Variants in VEPH1 observed in about 807,000 individuals in gnomAD.
VEPH1 encodes the protein ventricular zone-expressed PH domain-containing protein homolog 1.
Under a neutral mutation model 85.2 loss-of-function variants are expected in VEPH1, and 80 were observed. The observed-to-expected ratio is 0.94, with a 90% CI of 0.78 to 1.13. The LOEUF (loss-of-function observed/expected upper bound fraction) is 1.13. VEPH1 is among the 50% of genes most tolerant of loss of function. The pLI, the probability that VEPH1 is intolerant of heterozygous loss-of-function variation, is 0.00. For synonymous variants in VEPH1, 297 were observed against 348.0 expected, an observed-to-expected ratio of 0.85 and a Z score of 1.63; for missense variants, 955 against 980.5, an observed-to-expected ratio of 0.97 and a Z score of 0.35.
chr3:157,484,419 AC>A (rs1052423597), intron 2 of VEPH1, among the ~76,000 whole-genome samples: 30 of 152,128 alleles, frequency 2.0e-4, no homozygotes, highest in African/African-American at 7.0e-4. Flanking sequence ...CTCTTGCCTC[AC>A]CATGCTGAGT....
chr3:157,448,682 A>G (rs1295386505), intron 4 of VEPH1, among the ~76,000 whole-genome samples: 1 of 152,210 alleles, frequency 6.6e-6, no homozygotes, highest in Non-Finnish European at 1.5e-5. Context: ...AAGTTTGGAG[A>G]CTTATTCGGG....
Position 157,363,759 on chromosome 3 carries a change from G to T in VEPH1, c.1340C>A (p.Ser447Ter). The part of the protein sequence containing the change: ...EERKNIRFNR[S>*]KSLAFHTMLT... ...CATAGTGTGGAAAGCCAAACTTTTT[G>T]ACCTAGAGTTCAAACAAAGGGAAAG... is the stretch of plus-strand genomic sequence containing the variant. Residue 447 changes from serine to a stop codon, truncating the protein, a stop_gained and splice_region_variant, in exon 9 of 14, where the codon TCA becomes TAA. Coordinates refer to ENST00000362010, the MANE Select transcript of VEPH1 (RefSeq NM_001167912.2). LOFTEE classifies it high-confidence loss of function. The T allele has an allele frequency of 6.2e-7, 1 of 1,609,026 alleles. No individual in the cohort carries two copies. The highest frequency in any genetic ancestry group is 1.3e-5 in the African/African-American group (1 of 74,840).
chr3:157,391,208 G>T (rs1187803829), intron 6 of VEPH1, among the ~76,000 whole-genome samples: 1 of 152,212 alleles, frequency 6.6e-6, no homozygotes, highest in Non-Finnish European at 1.5e-5. Flanking sequence ...CAGCCCAATG[G>T]TCACAAGGAA....
chr3:157,452,826 T>C (rs886815682), intron 4 of VEPH1, among the ~76,000 whole-genome samples: 1 of 152,220 alleles, frequency 6.6e-6, no homozygotes, highest in Non-Finnish European at 1.5e-5. Context: ...CAAAATGATA[T>C]AGTGGACATT....
chr3:157,296,423 G>A (rs750846402), intron 11 of VEPH1, among the ~76,000 whole-genome samples: 1 of 152,228 alleles, frequency 6.6e-6, no homozygotes, highest in Non-Finnish European at 1.5e-5. Context: ...GTGTATGCGT[G>A]TGTGGGCTTC....
chr3:157,262,644 A>G (rs1008827957), intron 13 of VEPH1, among the ~76,000 whole-genome samples: 1 of 152,216 alleles, frequency 6.6e-6, no homozygotes, highest in Non-Finnish European at 1.5e-5. Context: ...TTTTAATCCA[A>G]TGGTTACATT....
intron 5 of VEPH1, among the ~76,000 whole-genome samples, chr3:157,416,551 G>T (rs968342738): frequency 1.3e-5 from 2 of 152,106 alleles, no homozygotes; most frequent in African/African-American, 4.8e-5. Context: ...TTTTAGCAAT[G>T]AAAAATGCTT....
At chr3:157,319,062 T>C (rs1721095091) in intron 9 of VEPH1, among the ~76,000 whole-genome samples, 3 of 151,876 alleles carry the variant, frequency 2.0e-5, no homozygotes, top group African/African-American at 7.3e-5. Flanking sequence ...GTTTGAAAAA[T>C]CTTAGAGCGG....
intron 6 of VEPH1, among the ~76,000 whole-genome samples, chr3:157,384,835 C>G (rs1485586054): frequency 2.6e-5 from 4 of 152,150 alleles, no homozygotes; most frequent in Non-Finnish European, 5.9e-5. Flanking sequence ...TGATTTCCTT[C>G]TCAGCTTCAT....
intron 2 of VEPH1, among the ~76,000 whole-genome samples, chr3:157,476,455 A>T (rs1737480401): frequency 6.6e-6 from 1 of 152,222 alleles, no homozygotes; most frequent in Non-Finnish European, 1.5e-5. Context: ...ACCATTTTAT[A>T]GCAAAGGATG....
At position 157,442,859 on chromosome 3, in the gene VEPH1, T is replaced by C. The variant is rs1450160831; in HGVS notation, c.530-14371A>G. On this transcript the variant is annotated intron_variant, in intron 4 of 13. Transcript: ENST00000362010. Reference sequence around the variant, plus strand: ...CAGGCTTCAATATCTGGGATAGTGTTCTTAGCAATGAAGAGATAAGAGAGA... The same window carrying C: ...CAGGCTTCAATATCTGGGATAGTGTCCTTAGCAATGAAGAGATAAGAGAGA... 3.7e-6 allele frequency: 6 copies of C among 1,614,196 alleles called. No individual in the cohort carries two copies. In the South Asian group the frequency reaches 6.6e-5, roughly 18 times the overall value.
At chr3:157,426,806 C>A (rs1732788015) in intron 5 of VEPH1, among the ~76,000 whole-genome samples, 1 of 116,246 alleles carries the variant, frequency 8.6e-6, no homozygotes, top group African/African-American at 3.4e-5. Context: ...AAATCTGTTG[C>A]TTTTTTTTTT....
At chr3:157,409,016 CGTT>C (rs371981917) in intron 6 of VEPH1, among the ~76,000 whole-genome samples, 358 of 152,196 alleles carry the variant, frequency 2.4e-3, no homozygotes, top group African/African-American at 5.0e-3. Context: ...TTCCCTCTCT[CGTT>C]GGCCTCTCCA....
chr3:157,410,823 T>C (rs1018145962), intron 6 of VEPH1, among the ~76,000 whole-genome samples: 1 of 152,164 alleles, frequency 6.6e-6, no homozygotes, highest in Non-Finnish European at 1.5e-5. Flanking sequence ...TAATCCAGTG[T>C]AAAGCCATTA....
intron 6 of VEPH1, among the ~76,000 whole-genome samples, chr3:157,386,250 CAAAAAA>C (rs71302265): frequency 2.6e-5 from 1 of 38,484 alleles, no homozygotes; most frequent in Non-Finnish European, 4.3e-5. Flanking sequence ...AATGGTTCCA[CAAAAAA>C]AAAAAAAAAA....
chr3:157,445,846 C>T (rs16827657), intron 4 of VEPH1, among the ~76,000 whole-genome samples: 26,310 of 151,988 alleles, frequency 0.17, 4,718 homozygotes, highest in African/African-American at 0.45. Flanking sequence ...CTTTATTCTC[C>T]CTAAAACACC....
chr3:157,399,636 C>A (rs1221134387), intron 6 of VEPH1, among the ~76,000 whole-genome samples: 1 of 152,032 alleles, frequency 6.6e-6, no homozygotes, highest in Non-Finnish European at 1.5e-5. Flanking sequence ...AAATTTCATT[C>A]TTTAAAAAGT....
At chr3:157,463,191 G>C (rs1736039989) in intron 3 of VEPH1, among the ~76,000 whole-genome samples, 1 of 152,134 alleles carries the variant, frequency 6.6e-6, no homozygotes, top group Non-Finnish European at 1.5e-5. Flanking sequence ...CCAGTCACTA[G>C]AAACAAAAAC....
intron 5 of VEPH1, among the ~76,000 whole-genome samples, chr3:157,415,465 C>T (rs1031623851): frequency 6.6e-6 from 1 of 152,166 alleles, no homozygotes; most frequent in African/African-American, 2.4e-5. Context: ...AGGCCTCTCT[C>T]AGCGGGACAT....
Sources: gnomAD v4.1 joint callset for allele counts (sites outside exome capture counted in the v4.1 genomes callset) on GRCh38, gnomAD v4.1.1 for gene constraint, MANE v1.5 for transcripts, NCBI Gene and HGNC (gene_info 2026-07-23, HGNC 2026-07-21) for gene names.